Variants in NFIB observed in about 807,000 individuals in gnomAD.
The protein encoded by NFIB is nuclear factor 1 B-type.
In NFIB, 11 loss-of-function variants were observed where a neutral mutation model predicts 61.5. That is an observed-to-expected ratio of 0.18 (90% confidence interval 0.11 to 0.30). The LOEUF is 0.30. Among genes scored for constraint, NFIB ranks in the 10% least tolerant of loss-of-function variants. The pLI, the probability that NFIB is intolerant of heterozygous loss-of-function variation, is 1.00. For missense variants in NFIB, 471 were observed against 608.9 expected, an observed-to-expected ratio of 0.77 and a Z score of 2.38; for synonymous variants, 260 against 216.5, an observed-to-expected ratio of 1.20 and a Z score of -1.76.
rs7871279 is a variant in NFIB at position 14,187,401 on chromosome 9, A to G, written c.563-7621T>C. Among the ~76,000 whole-genome samples the G allele has an allele frequency of 7.8e-3, 1,193 of 152,292 alleles. 13 individuals carry two copies. Among genetic ancestry groups the G allele is most frequent in the African/African-American group, 0.026 (1,081 of 41,564 alleles). On this transcript the variant is annotated intron_variant, in intron 2 of 10. Coordinates refer to ENST00000380953, the MANE Select transcript of NFIB (RefSeq NM_001190737.2). ...TTTTAAACTATTTACTATTTCAAGT[A>G]TGAAGACCTATATCTTCAGATCCCT...
At chr9:14,379,732 G>A (rs1401073464) in intron 1 of NFIB, among the ~76,000 whole-genome samples, 3 of 151,906 alleles carry the variant, frequency 2.0e-5, no homozygotes, top group African/African-American at 7.3e-5. Flanking sequence ...GCCCAGGCTG[G>A]AGTGCAATGG....
chr9:14,348,724 A>T (rs2061066003), intron 1 of NFIB, among the ~76,000 whole-genome samples: 1 of 152,220 alleles, frequency 6.6e-6, no homozygotes, highest in Non-Finnish European at 1.5e-5. Flanking sequence ...AGCAGCGGAC[A>T]GTCAGCTGCA....
Position 14,183,190 on chromosome 9 carries a change from C to T in NFIB, c.563-3410G>A, listed in dbSNP as rs139074667. 7.6e-3 allele frequency among the ~76,000 whole-genome samples: 1,156 copies of T among 152,156 alleles called. 14 individuals are homozygous for T. Among genetic ancestry groups the T allele is most frequent in the Middle Eastern group, 0.02 (6 of 294 alleles). On this transcript the variant is annotated intron_variant, in intron 2 of 10. Transcript: ENST00000380953. ...CTAAGCATGGAGAAGTGTGTGCCTA[C>T]CTGAGAAATCCTGTGTAAATGCTTT...
rs899225455 is a variant in NFIB, at chr9:14,313,451, G to C, written c.30+31C>G. ...AAACAAAGGCATTTCGGGCCAGAGA[G>C]AAAGCTCGAGAAAGCGACCGAGACA... On this transcript the variant is annotated intron_variant, in intron 1 of 10. Transcript: ENST00000380953. The surrounding 1 kb of genome is among the most constrained non-coding windows in gnomAD (Gnocchi z 4.5). 1 of 1,613,616 alleles carries C rather than the reference G, an allele frequency of 6.2e-7. No individual in the cohort carries two copies. Among genetic ancestry groups the C allele is most frequent in the Non-Finnish European group, 8.5e-7 (1 of 1,179,704 alleles).
intron 1 of NFIB, among the ~76,000 whole-genome samples, chr9:14,345,455 A>G (rs1255649292): frequency 2.0e-5 from 3 of 152,162 alleles, no homozygotes; most frequent in African/African-American, 4.8e-5. Flanking sequence ...AATCTAGGGT[A>G]CCGGAGCTTA....
chr9:14,496,900 C>T, the NFIB span, among the ~76,000 whole-genome samples: 1 of 152,212 alleles, frequency 6.6e-6, no homozygotes, highest in South Asian at 2.1e-4. Flanking sequence ...TAGTTTGTGA[C>T]ACACCAATAA....
chr9:14,187,875 C>A (rs1009927083), intron 2 of NFIB, among the ~76,000 whole-genome samples: 1 of 152,158 alleles, frequency 6.6e-6, no homozygotes, highest in South Asian at 2.1e-4. Flanking sequence ...TGAAACCCTG[C>A]ACAAAAAGTG....
intron 2 of NFIB, among the ~76,000 whole-genome samples, chr9:14,282,175 T>C (rs1466341006): frequency 6.6e-6 from 1 of 152,168 alleles, no homozygotes. Context: ...ATTTAAACCA[T>C]TCCCTTACAC....
At chr9:14,398,475 G>C in intron 1 of NFIB, 1 of 1,328,166 alleles carries the variant, frequency 7.5e-7, no homozygotes, top group Non-Finnish European at 1.0e-6. Context: ...TAAGAAGTTG[G>C]GACCTATTTG....
chr9:14,243,342 A>T (rs1194507913), intron 2 of NFIB, among the ~76,000 whole-genome samples: 1 of 152,228 alleles, frequency 6.6e-6, no homozygotes, highest in Non-Finnish European at 1.5e-5. Context: ...AATATTCTGC[A>T]TCATAAGGCA....
At chr9:14,442,125 G>T in the NFIB span, among the ~76,000 whole-genome samples, 2 of 152,148 alleles carry the variant, frequency 1.3e-5, no homozygotes, top group Non-Finnish European at 2.9e-5. Flanking sequence ...AGCTGCCAGG[G>T]CTGGGACTGG....
chr9:14,369,410 G>A (rs1395033365), intron 1 of NFIB, among the ~76,000 whole-genome samples: 1 of 152,148 alleles, frequency 6.6e-6, no homozygotes, highest in Non-Finnish European at 1.5e-5. Flanking sequence ...CATTTGCAGA[G>A]TATTTCCACA....
chr9:14,112,078 T>C (rs1042515170), intron 10 of NFIB, among the ~76,000 whole-genome samples: 4 of 152,352 alleles, frequency 2.6e-5, no homozygotes, highest in African/African-American at 9.6e-5. Context: ...AACTTATAAA[T>C]AAAGAGCGAG....
chr9:14,155,399 C>T (rs145175605), intron 4 of NFIB, among the ~76,000 whole-genome samples: 23 of 152,240 alleles, frequency 1.5e-4, no homozygotes, highest in African/African-American at 4.3e-4. Context: ...ACACTCTGCA[C>T]GTTAGTGTGT....
chr9:14,509,019 A>G, the NFIB span, among the ~76,000 whole-genome samples: 1 of 152,228 alleles, frequency 6.6e-6, no homozygotes, highest in South Asian at 2.1e-4. Context: ...TGACCCCAGG[A>G]AATGGAATAC....
At chr9:14,274,582 T>C (rs559563633) in intron 2 of NFIB, among the ~76,000 whole-genome samples, 1 of 152,320 alleles carries the variant, frequency 6.6e-6, no homozygotes, top group South Asian at 2.1e-4. Flanking sequence ...CCTTTTAGAT[T>C]ATTTGCAGTT....
intron 6 of NFIB, among the ~76,000 whole-genome samples, chr9:14,134,899 A>C (rs1349756022): frequency 1.2e-5 from 1 of 82,474 alleles, no homozygotes; most frequent in Admixed American, 1.3e-4. Flanking sequence ...CTCTGTCTCA[A>C]AAAAAAAAAA....
chr9:14,462,744 G>A, the NFIB span, among the ~76,000 whole-genome samples: 21 of 152,158 alleles, frequency 1.4e-4, no homozygotes, highest in Non-Finnish European at 2.8e-4. Context: ...AGGCGTTCCT[G>A]ACCACAGGGA....
chr9:14,355,891 A>T (rs902617862), intron 1 of NFIB, among the ~76,000 whole-genome samples: 25 of 151,818 alleles, frequency 1.6e-4, no homozygotes, highest in African/African-American at 6.0e-4. Context: ...CGGGAGGCGG[A>T]GCTTGCAGTG....
Sources: allele counts gnomAD v4.1 joint callset (sites outside exome capture counted in the v4.1 genomes callset), GRCh38; gene constraint gnomAD v4.1.1; non-coding constraint Gnocchi (gnomAD v3.1); transcripts MANE v1.5; gene names NCBI Gene and HGNC (gene_info 2026-07-23, HGNC 2026-07-21).